The following MBNL2 variants were observed in gnomAD, a reference collection of about 807,000 sequenced individuals.
MBNL2 encodes muscleblind like splicing regulator 2.
MBNL2 carries 17 observed loss-of-function variants against 41.9 expected under a neutral mutation model. That is an observed-to-expected ratio of 0.41 (90% CI 0.28 to 0.61). The LOEUF (loss-of-function observed/expected upper bound fraction) is 0.61. Among genes scored for constraint, MBNL2 ranks in the 20% least tolerant of loss-of-function variants. The probability of loss-of-function intolerance (pLI) is 0.35; values close to 1 mark genes in which losing one functional copy is unlikely to be tolerated. For missense variants in MBNL2, 336 were observed against 505.6 expected (o/e 0.66, Z 3.22); for synonymous variants, 195 against 182.9 (o/e 1.07, Z -0.53).
chr13:97,243,573 C>T (rs1436359513), intron 1 of MBNL2, among the ~76,000 whole-genome samples: 1 of 152,072 alleles, frequency 6.6e-6, no homozygotes, highest in Non-Finnish European at 1.5e-5. Context: ...CAGAAATCAA[C>T]GAAAGTGGAG....
At chr13:97,295,809 A>G (rs186346504) in intron 2 of MBNL2, among the ~76,000 whole-genome samples, 248 of 152,306 alleles carry the variant, frequency 1.6e-3, no homozygotes, top group Middle Eastern at 3.4e-3. Context: ...TGAACTCTTC[A>G]ACATTGAAAT....
At chr13:97,244,136 T>C (rs2044934268) in intron 1 of MBNL2, among the ~76,000 whole-genome samples, 1 of 152,222 alleles carries the variant, frequency 6.6e-6, no homozygotes, top group Admixed American at 6.5e-5. Flanking sequence ...AAAGGCTAAC[T>C]TACAGGATTA....
the MBNL2 span, among the ~76,000 whole-genome samples, chr13:97,209,741 T>C: frequency 6.6e-6 from 1 of 152,228 alleles, no homozygotes; most frequent in Non-Finnish European, 1.5e-5. Context: ...ACTTTTTGTT[T>C]GGCTATTGTC....
rs144219795 is a variant in MBNL2, at chr13:97,290,682, C to CA, written c.174+14292dup. Among the ~76,000 whole-genome samples the CA allele has an allele frequency of 9.4e-3, 1,084 of 114,808 alleles. 9 individuals are homozygous for CA. Among genetic ancestry groups the CA allele is most frequent in the African/African-American group, 0.026 (786 of 30,614 alleles). 75.3% of individuals were successfully genotyped at this position (114,808 alleles called of 152,430 possible). On this transcript the variant is annotated intron_variant, in intron 2 of 8. Coordinates refer to ENST00000679496, the MANE Select transcript of MBNL2 (RefSeq NM_001382683.1). ...TGGGCGACAGAGCGAGACTCCGTCTCAAAAAAAAAAAAAAAAAAAGAAAGA... is the reference window on the plus strand; with the variant it reads ...TGGGCGACAGAGCGAGACTCCGTCTCAAAAAAAAAAAAAAAAAAAAGAAAGA...
At chr13:97,316,745 C>T (rs73557675) in intron 2 of MBNL2, among the ~76,000 whole-genome samples, 27,000 of 152,202 alleles carry the variant, frequency 0.18, 5,014 homozygotes, top group African/African-American at 0.47. Context: ...AAAAGGGCCA[C>T]CCAACCCACC....
intron 2 of MBNL2, among the ~76,000 whole-genome samples, chr13:97,284,005 T>C (rs1320663556): frequency 2.0e-5 from 3 of 152,148 alleles, no homozygotes; most frequent in Non-Finnish European, 4.4e-5. Context: ...AAAGCCCCTT[T>C]CCTGGAGACA....
chr13:97,321,639 C>G (rs2059511522), intron 2 of MBNL2, among the ~76,000 whole-genome samples: 1 of 152,184 alleles, frequency 6.6e-6, no homozygotes, highest in Admixed American at 6.5e-5. Context: ...TACCTTAAAT[C>G]TCTCTGAGCC....
intron 1 of MBNL2, among the ~76,000 whole-genome samples, chr13:97,227,017 CT>C (rs1490006435): frequency 6.8e-6 from 1 of 148,000 alleles, no homozygotes; most frequent in Non-Finnish European, 1.5e-5. Flanking sequence ...CGCTTTCCCC[CT>C]TTTTCCTTAA....
At position 97,386,629 on chromosome 13, in the gene MBNL2, T is replaced by C. The variant is rs796838585; in HGVS notation, c.1049-4693T>C. Among the ~76,000 whole-genome samples the C allele has an allele frequency of 5.9e-5, 9 of 152,344 alleles. 1 individual carries two copies. The highest frequency in any genetic ancestry group is 1.9e-4 in the African/African-American group (8 of 41,574). ...CAATTCACTGAGGACACTATAATTA[T>C]TAAATGGCTGCTCATAACATATTTG... On this transcript the variant is annotated intron_variant, in intron 8 of 8. Coordinates refer to ENST00000679496, the MANE Select transcript of MBNL2 (RefSeq NM_001382683.1).
chr13:97,385,812 G>A (rs79024353), intron 8 of MBNL2, among the ~76,000 whole-genome samples: 4,318 of 152,254 alleles, frequency 0.028, 82 homozygotes, highest in Middle Eastern at 0.051. Context: ...GTCTTCTCTT[G>A]CACCATTCTG....
At chr13:97,205,474 T>C in the MBNL2 span, among the ~76,000 whole-genome samples, 1 of 152,014 alleles carries the variant, frequency 6.6e-6, no homozygotes, top group African/African-American at 2.4e-5. Context: ...AGAAGCAGAG[T>C]GTTCTCCTTG....
intron 1 of MBNL2, among the ~76,000 whole-genome samples, chr13:97,266,257 ATAAAT>A (rs751435397): frequency 3.9e-5 from 6 of 152,328 alleles, no homozygotes; most frequent in East Asian, 1.9e-4. Flanking sequence ...AAATAAATAA[ATAAAT>A]TAATTAATTA....
chr13:97,259,875 C>T lies in MBNL2; in HGVS notation c.-604-15757C>T, dbSNP rs188772791. Among the ~76,000 whole-genome samples the T allele has an allele frequency of 2.1e-3, 322 of 152,206 alleles. 2 individuals carry two copies. Among genetic ancestry groups the T allele is most frequent in the Admixed American group, 3.7e-3 (57 of 15,288 alleles). On this transcript the variant is annotated intron_variant, in intron 1 of 8. Coordinates refer to ENST00000679496, the MANE Select transcript of MBNL2 (RefSeq NM_001382683.1). ...CGGGCACAGACTGTAAGCTCTGTGG[C>T]GTATTCATTCATTTATTTGCTCATT... is the stretch of plus-strand genomic sequence containing the variant.
chr13:97,356,898 C>A (rs1442519026), intron 6 of MBNL2, 49 bp downstream of exon 6: 2 of 1,194,384 alleles, frequency 1.7e-6, no homozygotes, highest in Non-Finnish European at 2.3e-6. Context: ...TTCAGAGAAC[C>A]ATCTGAGATT....
chr13:97,144,591 G>C, the MBNL2 span, among the ~76,000 whole-genome samples: 1 of 151,842 alleles, frequency 6.6e-6, no homozygotes, highest in Non-Finnish European at 1.5e-5. Context: ...CACCACGCCT[G>C]GCTAATTTTG....
Position 97,382,815 on chromosome 13 carries a change from T to C in MBNL2, c.1049-8507T>C, listed in dbSNP as rs1486303556. Among the ~76,000 whole-genome samples the C allele has an allele frequency of 2.0e-5, 3 of 152,002 alleles. No homozygotes were observed. The East Asian group carries it at 5.8e-4, about 29-fold the overall frequency. On this transcript the variant is annotated intron_variant, in intron 8 of 8. Transcript: ENST00000679496. ...TCCTGCCTTAGCCTCACTTGGGCCATGCCTGGCTAATTTTTTTGTAGAGAC... is the reference window on the plus strand; with the variant it reads ...TCCTGCCTTAGCCTCACTTGGGCCACGCCTGGCTAATTTTTTTGTAGAGAC...
intron 8 of MBNL2, among the ~76,000 whole-genome samples, chr13:97,372,836 C>T (rs982523842): frequency 6.6e-6 from 1 of 152,172 alleles, no homozygotes; most frequent in Non-Finnish European, 1.5e-5. Flanking sequence ...AAGGTAAGAT[C>T]GTGTTTTATT....
At chr13:97,286,534 A>G (rs2054479352) in intron 2 of MBNL2, among the ~76,000 whole-genome samples, 1 of 152,186 alleles carries the variant, frequency 6.6e-6, no homozygotes, top group Non-Finnish European at 1.5e-5. Flanking sequence ...TTAAAACATA[A>G]GTCACAGCAT....
intron 1 of MBNL2, among the ~76,000 whole-genome samples, chr13:97,272,233 T>C (rs1196001673): frequency 6.6e-6 from 1 of 152,240 alleles, no homozygotes; most frequent in African/African-American, 2.4e-5. Context: ...TTTTGAGAAG[T>C]GTCTGTTCAT....
Sources: gnomAD v4.1 joint callset for allele counts (sites outside exome capture counted in the v4.1 genomes callset) on GRCh38, gnomAD v4.1.1 for gene constraint, MANE v1.5 for transcripts, NCBI Gene and HGNC (gene_info 2026-07-23, HGNC 2026-07-21) for gene names.